Variants in HECW2 observed in about 807,000 individuals in gnomAD.
HECW2 encodes HECT, C2 and WW domain containing E3 ubiquitin protein ligase 2.
In HECW2, 61 loss-of-function variants were observed where a neutral mutation model predicts 175.2. The ratio of observed to expected loss-of-function variants is 0.35; its 90% CI spans 0.28 to 0.43. The LOEUF (loss-of-function observed/expected upper bound fraction) is 0.43. HECW2 is among the 20% of genes least tolerant of loss of function. HECW2 has a pLI of 1.00. For missense variants in HECW2, 1,524 were observed against 2,000.5 expected (o/e 0.76, Z 4.54); for synonymous variants, 671 against 731.0 (o/e 0.92, Z 1.32).
At chr2:196,216,953 A>G in intron 27 of HECW2, 55 bp downstream of exon 27, 1 of 1,198,622 alleles carries the variant, frequency 8.3e-7, no homozygotes, top group Non-Finnish European at 1.2e-6. Context: ...AAAAACATAC[A>G]CTTCCAACAA....
chr2:196,388,538 T>A (rs1240737331), intron 2 of HECW2, among the ~76,000 whole-genome samples: 1 of 152,160 alleles, frequency 6.6e-6, no homozygotes, highest in African/African-American at 2.4e-5. Flanking sequence ...ACGTAATATA[T>A]CCATGGGTAC....
intron 28 of HECW2, among the ~76,000 whole-genome samples, chr2:196,202,605 A>G (rs2105757922): frequency 6.6e-6 from 1 of 152,348 alleles, no homozygotes; most frequent in Admixed American, 6.5e-5. Flanking sequence ...AGGTATTGTT[A>G]GCTACATTTC....
At chr2:196,349,820 G>T (rs1693106773) in intron 2 of HECW2, among the ~76,000 whole-genome samples, 1 of 152,084 alleles carries the variant, frequency 6.6e-6, no homozygotes, top group Non-Finnish European at 1.5e-5. Context: ...ATGACACAGA[G>T]AAACTTCTCA....
rs894374195 is a variant in HECW2, at chr2:196,198,587, C to A, written c.*2690G>T. 18 of 152,150 alleles carry A rather than the reference C, an allele frequency of 1.2e-4. No homozygotes were observed. The highest frequency in any genetic ancestry group is 4.3e-4 in the African/African-American group (18 of 41,436). The allele number at this position is 152,150 out of a possible 1,614,324, so 9.4% of individuals were successfully genotyped here. A position where few individuals can be genotyped will look rare whatever the true frequency, so the allele number is the denominator to read the frequency against. On this transcript the variant is annotated 3_prime_UTR_variant, in exon 29 of 29. Coordinates refer to ENST00000644978, the MANE Select transcript of HECW2 (RefSeq NM_001348768.2). ...AGGGAATGCCAATGATGTGCTTGTT[C>A]TCTCATCTAAGAGATGTTCTGCATA...
chr2:196,278,812 C>T, intron 14 of HECW2, 150 bp from the exon 15 acceptor site: 2 of 824,616 alleles, frequency 2.4e-6, no homozygotes, highest in Non-Finnish European at 3.9e-6. Flanking sequence ...TTTCTCCTTA[C>T]CCACACAGGA....
intron 2 of HECW2, among the ~76,000 whole-genome samples, chr2:196,346,678 C>A (rs548278671): frequency 3.9e-5 from 6 of 152,062 alleles, no homozygotes; most frequent in Non-Finnish European, 7.4e-5. Flanking sequence ...TGCCTTAGTT[C>A]CCCTGGTTAG....
chr2:196,337,260 G>A (rs550605925), intron 3 of HECW2, among the ~76,000 whole-genome samples: 21 of 152,152 alleles, frequency 1.4e-4, no homozygotes, highest in South Asian at 2.1e-4. Flanking sequence ...TTGGTGCCCA[G>A]GGGCACAGGC....
chr2:196,217,425 C>T lies in HECW2; in HGVS notation c.4409-332G>A, dbSNP rs145493181. On this transcript the variant is annotated intron_variant, in intron 26 of 28. Transcript: ENST00000644978. ...TGTTACTGGAAATACTTAACTCTTTCGGTCATTCACATAAGAAATAATTTT... is the reference window on the plus strand; with the variant it reads ...TGTTACTGGAAATACTTAACTCTTTTGGTCATTCACATAAGAAATAATTTT... 4.1e-3 allele frequency: 864 copies of T among 208,684 alleles called. 7 individuals carry two copies. Among genetic ancestry groups the T allele is most frequent in the Admixed American group, 7.7e-3 (136 of 17,754 alleles). The allele number at this position is 208,684 out of a possible 1,614,324, so 12.9% of individuals were successfully genotyped here.
At chr2:196,329,476 C>A in intron 5 of HECW2, 99 bp downstream of exon 5, 1 of 909,310 alleles carries the variant, frequency 1.1e-6, no homozygotes, top group Non-Finnish European at 1.8e-6. Flanking sequence ...GTTCACATAT[C>A]ATCATATCAT....
rs767901593 is a variant in HECW2 at position 196,201,006 on chromosome 2, T to C, written c.*271A>G. 2.3e-5 allele frequency: 8 copies of C among 344,508 alleles called. No individual in the cohort carries two copies. The highest frequency in any genetic ancestry group is 3.8e-5 in the South Asian group (1 of 26,440). The allele number at this position is 344,508 out of a possible 1,614,324, so 21.3% of individuals were successfully genotyped here. ...ATCATGTATGGGTTCATCTTTGTCT[T>C]GGAACATAACAAATGGAAAAAGTTT... On this transcript the variant is annotated 3_prime_UTR_variant, in exon 29 of 29. Transcript: ENST00000644978.
At chr2:196,520,288 T>A (rs755556115) in intron 1 of HECW2, among the ~76,000 whole-genome samples, 1 of 150,724 alleles carries the variant, frequency 6.6e-6, no homozygotes, top group African/African-American at 2.4e-5. Context: ...AAAGATCCAG[T>A]GAGCATGGTA....
At chr2:196,564,863 T>C (rs143600782) in intron 1 of HECW2, among the ~76,000 whole-genome samples, 1 of 151,738 alleles carries the variant, frequency 6.6e-6, no homozygotes, top group African/African-American at 2.4e-5. Flanking sequence ...AATTGAAAAA[T>C]AAAATAGCAT....
chr2:196,267,225 T>C (rs1457815161), intron 17 of HECW2, among the ~76,000 whole-genome samples: 14 of 152,210 alleles, frequency 9.2e-5, no homozygotes, highest in Admixed American at 9.2e-4. Context: ...GTTCATGGCC[T>C]TTCTCATTAC....
chr2:196,343,543 A>C (rs1049118708), intron 3 of HECW2, 114 bp downstream of exon 3: 2 of 695,116 alleles, frequency 2.9e-6, no homozygotes, highest in Non-Finnish European at 4.9e-6. Context: ...CATGGCATAA[A>C]TATGTAAATC....
At chr2:196,308,531 T>C (rs1002254321) in intron 10 of HECW2, among the ~76,000 whole-genome samples, 29 of 152,312 alleles carry the variant, frequency 1.9e-4, no homozygotes, top group African/African-American at 7.0e-4. Context: ...CGCATATTCA[T>C]GCACAATTGT....
At chr2:196,410,079 C>T (rs1575513029) in intron 2 of HECW2, among the ~76,000 whole-genome samples, 1 of 152,098 alleles carries the variant, frequency 6.6e-6, no homozygotes, top group South Asian at 2.1e-4. Flanking sequence ...GTGCTCATGA[C>T]AAGCCAGCAC....
At chr2:196,281,406 G>A (rs1312660145) in intron 14 of HECW2, among the ~76,000 whole-genome samples, 1 of 152,072 alleles carries the variant, frequency 6.6e-6, no homozygotes, top group African/African-American at 2.4e-5. Flanking sequence ...GGAAGGCTGA[G>A]GTAGGTGGAT....
At chr2:196,385,702 T>C (rs1694326266) in intron 2 of HECW2, among the ~76,000 whole-genome samples, 2 of 152,162 alleles carry the variant, frequency 1.3e-5, no homozygotes, top group Non-Finnish European at 2.9e-5. Flanking sequence ...TGGTTGAAAA[T>C]CCAAGGAAAT....
At chr2:196,513,904 T>C (rs1180717352) in intron 1 of HECW2, among the ~76,000 whole-genome samples, 1 of 152,190 alleles carries the variant, frequency 6.6e-6, no homozygotes, top group African/African-American at 2.4e-5. Flanking sequence ...CCTTTGATGG[T>C]AGCAGCAGCC....
Sources: allele counts gnomAD v4.1 joint callset (sites outside exome capture counted in the v4.1 genomes callset), GRCh38; gene constraint gnomAD v4.1.1; transcripts MANE v1.5; gene names NCBI Gene and HGNC (gene_info 2026-07-23, HGNC 2026-07-21).